The following DACH2 variants were observed in gnomAD, a reference collection of about 807,000 sequenced individuals.
The protein encoded by DACH2 is dachshund family transcription factor 2.
Under a neutral mutation model 35.8 loss-of-function variants are expected in DACH2, and 17 were observed. The ratio of observed to expected loss-of-function variants is 0.48; its 90% CI spans 0.33 to 0.71. DACH2 has a LOEUF of 0.71. Among genes scored for constraint, DACH2 ranks in the 30% least tolerant of loss-of-function variants. The pLI, the probability that DACH2 is intolerant of heterozygous loss-of-function variation, is 0.02. For synonymous variants in DACH2, 195 were observed against 177.3 expected, an observed-to-expected ratio of 1.10 and a Z score of -0.79; for missense variants, 469 against 472.7, an observed-to-expected ratio of 0.99 and a Z score of 0.07.
At chrX:86,458,055 G>T (rs1429565962) in intron 2 of DACH2, among the ~76,000 whole-genome samples, 2 of 111,792 alleles carry the variant, frequency 1.8e-5, no homozygotes, top group African/African-American at 6.5e-5. Flanking sequence ...GTCAATTCTA[G>T]ATTGTTTTGG....
intron 1 of DACH2, among the ~76,000 whole-genome samples, chrX:86,229,838 AT>A (rs201551134): frequency 0.18 from 19,501 of 109,564 alleles, 4,314 homozygotes; most frequent in African/African-American, 0.62. Flanking sequence ...ACTTTGCTGA[AT>A]TTTTTTGTCA....
chrX:86,455,246 G>A lies in DACH2; in HGVS notation c.528-59033G>A, dbSNP rs181157112. On this transcript the variant is annotated intron_variant, in intron 2 of 11. Transcript: ENST00000373125. ...GACCCATTTTTGGAGGTCTCACCCA[G>A]TCAGCCGGAATGGGATCAGGGACCT... 1.3e-3 allele frequency among the ~76,000 whole-genome samples: 145 copies of A among 111,317 alleles called. 1 individual carries two copies. The highest frequency in any genetic ancestry group is 4.6e-3 in the African/African-American group (141 of 30,636).
intron 3 of DACH2, among the ~76,000 whole-genome samples, chrX:86,535,346 G>A (rs1200548622): frequency 1.8e-5 from 2 of 111,386 alleles, no homozygotes; most frequent in Non-Finnish European, 3.8e-5. Context: ...GTGAGACCGG[G>A]TAATATATAA....
intron 1 of DACH2, among the ~76,000 whole-genome samples, chrX:86,287,663 C>A (rs1378850752): frequency 8.9e-6 from 1 of 111,822 alleles, no homozygotes; most frequent in Non-Finnish European, 1.9e-5. Context: ...TTGATTGATT[C>A]TACTTTTAAG....
intron 11 of DACH2, chrX:86,829,017 A>G (rs2042587793): frequency 1.8e-5 from 2 of 112,207 alleles, no homozygotes; most frequent in Admixed American, 1.9e-4. Context: ...TTTTCTAGTA[A>G]GAGGTTCCCC....
At chrX:86,510,229 G>A (rs1028281594) in intron 2 of DACH2, among the ~76,000 whole-genome samples, 1 of 111,930 alleles carries the variant, frequency 8.9e-6, no homozygotes, top group African/African-American at 3.2e-5. Flanking sequence ...AATCACAAAT[G>A]ACATGAAACA....
chrX:86,287,786 T>G (rs2034183633), intron 1 of DACH2, among the ~76,000 whole-genome samples: 1 of 112,016 alleles, frequency 8.9e-6, no homozygotes, highest in Admixed American at 9.5e-5. Flanking sequence ...TCTGAATTCC[T>G]TCTCTGCGTT....
At chrX:86,684,189 G>A (rs1267921501) in intron 4 of DACH2, among the ~76,000 whole-genome samples, 3 of 111,521 alleles carry the variant, frequency 2.7e-5, no homozygotes, top group East Asian at 2.8e-4. Context: ...CTTTCATATC[G>A]ATTTATTGGT....
rs772175122 is a variant in DACH2, at chrX:86,331,063, T to C, written c.489-45761T>C. 4.5e-5 allele frequency among the ~76,000 whole-genome samples: 5 copies of C among 111,870 alleles called. No homozygotes were observed. In the East Asian group the frequency reaches 1.1e-3, roughly 25 times the overall value. On this transcript the variant is annotated intron_variant, in intron 1 of 11. Coordinates refer to ENST00000373125, the MANE Select transcript of DACH2 (RefSeq NM_053281.3). Reference sequence around the variant, plus strand: ...TATATTTTTCACTAGAGAATTATGATTCAAACCAGTTGGACTGTAAAGTAT... The same window carrying C: ...TATATTTTTCACTAGAGAATTATGACTCAAACCAGTTGGACTGTAAAGTAT...
intron 2 of DACH2, among the ~76,000 whole-genome samples, chrX:86,474,722 G>GT (rs950645103): frequency 1.7e-4 from 19 of 111,013 alleles, no homozygotes; most frequent in Non-Finnish European, 3.4e-4. Context: ...TGTTCTGTTT[G>GT]TTTTTTTGTT....
chrX:86,569,778 G>T (rs897003402), intron 3 of DACH2, among the ~76,000 whole-genome samples: 7 of 111,620 alleles, frequency 6.3e-5, no homozygotes, highest in South Asian at 3.7e-4. Context: ...CATAGCAAAA[G>T]AAACTATCAT....
rs1238035779 is a variant in DACH2, at chrX:86,698,527, T to G, written c.931+3348T>G. The stretch of plus-strand genomic sequence containing the variant: ...TTTGTTTTGTTAGTTTTGTGTTTTT[T>G]TTTTTTTTTTTTTTTTTTTTTACAG... On this transcript the variant is annotated intron_variant, in intron 5 of 11. Transcript: ENST00000373125. Among the ~76,000 whole-genome samples, 38 of 55,991 alleles carry G rather than the reference T, an allele frequency of 6.8e-4. 1 individual carries two copies. Among genetic ancestry groups the G allele is most frequent in the African/African-American group, 2.4e-3 (36 of 15,015 alleles). The allele number at this position is 55,991 out of a possible 115,157, so 48.6% of individuals were successfully genotyped here.
Position 86,325,331 on chromosome X carries a change from G to T in DACH2, c.489-51493G>T, listed in dbSNP as rs148358174. Among the ~76,000 whole-genome samples the T allele has an allele frequency of 1.2e-3, 136 of 111,468 alleles. 2 individuals are homozygous for T. In the East Asian group the frequency reaches 0.034, roughly 28 times the overall value. ...GTTCCACCAGAAGTTCAAGAGAAAT[G>T]AGTGAAGTGAAAGAGAGATGGAATG... On this transcript the variant is annotated intron_variant, in intron 1 of 11. Transcript: ENST00000373125.
In DACH2 at chrX:86,831,930, T is replaced by A. The variant is rs2042616264; in HGVS notation, c.1751-176T>A. ...CTATAGCATGAAATTTGAAGGATCT[T>A]TGAAAACTGACAGATGAAAATATAG... On this transcript the variant is annotated intron_variant, in intron 11 of 11. Coordinates refer to ENST00000373125, the MANE Select transcript of DACH2 (RefSeq NM_053281.3). 1.2e-5 allele frequency: 5 copies of A among 400,521 alleles called. No individual in the cohort carries two copies. In the Admixed American group the frequency reaches 1.9e-4, roughly 15 times the overall value. 33.0% of individuals were successfully genotyped at this position (400,521 alleles called of 1,213,427 possible).
At chrX:86,711,434 T>C (rs962771061) in intron 5 of DACH2, among the ~76,000 whole-genome samples, 7 of 112,027 alleles carry the variant, frequency 6.2e-5, no homozygotes, top group Non-Finnish European at 1.1e-4. Flanking sequence ...AAAGAATTAT[T>C]CTTTTAGTAA....
At chrX:86,199,649 A>G (rs188086248) in intron 1 of DACH2, among the ~76,000 whole-genome samples, 44 of 111,832 alleles carry the variant, frequency 3.9e-4, no homozygotes, top group Admixed American at 2.8e-3. Flanking sequence ...CAGGAATTCA[A>G]TCCCCTTCAC....
At chrX:86,384,031 C>G (rs1386068771) in intron 2 of DACH2, among the ~76,000 whole-genome samples, 1 of 110,964 alleles carries the variant, frequency 9.0e-6, no homozygotes, top group Admixed American at 9.6e-5. Flanking sequence ...TCTGAATGTT[C>G]AGGTGAAGTC....
chrX:86,425,879 T>C (rs1276659078), intron 2 of DACH2, among the ~76,000 whole-genome samples: 1 of 110,628 alleles, frequency 9.0e-6, no homozygotes, highest in Non-Finnish European at 1.9e-5. Context: ...CTATGTTTAG[T>C]AGTGATAAGT....
chrX:86,769,625 A>C (rs2147293689), intron 7 of DACH2, among the ~76,000 whole-genome samples: 1 of 111,924 alleles, frequency 8.9e-6, no homozygotes, highest in African/African-American at 3.2e-5. Flanking sequence ...ATTACTTTAT[A>C]CTTTTTTTAA....
Sources: gnomAD v4.1 joint callset for allele counts (sites outside exome capture counted in the v4.1 genomes callset) on GRCh38, gnomAD v4.1.1 for gene constraint, MANE v1.5 for transcripts, NCBI Gene and HGNC (gene_info 2026-07-23, HGNC 2026-07-21) for gene names.